TTC27: variants seen among roughly 807,000 people sequenced by gnomAD.
The protein encoded by TTC27 is tetratricopeptide repeat domain 27, also known as tetratricopeptide repeat protein 27.
A neutral mutation model predicts 115.9 loss-of-function variants in TTC27; 79 were observed. The ratio of observed to expected loss-of-function variants is 0.68; its 90% CI spans 0.57 to 0.82. The LOEUF (loss-of-function observed/expected upper bound fraction) is 0.82, where lower values mean the gene tolerates loss of function less well. Ranked by LOEUF, TTC27 falls within the 40% of genes least tolerant of loss-of-function variation. The pLI, the probability that TTC27 is intolerant of heterozygous loss-of-function variation, is 0.00. For synonymous variants in TTC27, 401 were observed against 356.0 expected, an observed-to-expected ratio of 1.13 and a Z score of -1.42; for missense variants, 1,054 against 993.1, an observed-to-expected ratio of 1.06 and a Z score of -0.82.
At chr2:32,700,597 G>A (rs947837000) in intron 9 of TTC27, among the ~76,000 whole-genome samples, 1 of 152,122 alleles carries the variant, frequency 6.6e-6, no homozygotes, top group African/African-American at 2.4e-5. Context: ...AAGTGCAGTG[G>A]TGCAATCTCG....
At chr2:32,629,422 G>A (rs1007137849) in intron 1 of TTC27, among the ~76,000 whole-genome samples, 1 of 151,698 alleles carries the variant, frequency 6.6e-6, no homozygotes, top group South Asian at 2.1e-4. Context: ...GCACGGCCTA[G>A]GCGGCAATGA....
intron 14 of TTC27, among the ~76,000 whole-genome samples, chr2:32,778,693 A>G (rs1477078300): frequency 6.6e-6 from 1 of 152,214 alleles, no homozygotes; most frequent in Admixed American, 6.5e-5. Flanking sequence ...TTATGACCAA[A>G]TAATATTCCA....
chr2:32,654,201 C>G (rs371837140), intron 5 of TTC27, among the ~76,000 whole-genome samples: 4 of 152,240 alleles, frequency 2.6e-5, no homozygotes, highest in African/African-American at 9.6e-5. Flanking sequence ...CCTGCTGACA[C>G]TTTCCCTTGC....
chr2:32,784,522 G>T (rs1419205208), intron 15 of TTC27, among the ~76,000 whole-genome samples: 1 of 152,114 alleles, frequency 6.6e-6, no homozygotes, highest in African/African-American at 2.4e-5. Context: ...TCTCTTTGCT[G>T]TTTCAACTGA....
intron 13 of TTC27, among the ~76,000 whole-genome samples, chr2:32,770,432 G>A (rs190970188): frequency 6.6e-5 from 10 of 152,312 alleles, no homozygotes; most frequent in African/African-American, 1.9e-4. Context: ...TTTTGCCCTC[G>A]AGGATATCAT....
intron 12 of TTC27, among the ~76,000 whole-genome samples, chr2:32,741,437 A>C (rs1451109505): frequency 6.6e-6 from 1 of 151,636 alleles, no homozygotes; most frequent in Non-Finnish European, 1.5e-5. Context: ...AGGTCAAGAG[A>C]TGGAGGCCAT....
intron 14 of TTC27, among the ~76,000 whole-genome samples, chr2:32,779,280 A>T (rs1670097373): frequency 6.6e-6 from 1 of 151,862 alleles, no homozygotes; most frequent in Non-Finnish European, 1.5e-5. Context: ...GCAATGTATG[A>T]GGGTTCCAGT....
At chr2:32,667,671 C>T (rs1197596306) in intron 7 of TTC27, among the ~76,000 whole-genome samples, 1 of 151,130 alleles carries the variant, frequency 6.6e-6, no homozygotes, top group Non-Finnish European at 1.5e-5. Flanking sequence ...CCGTCTCGGC[C>T]TCCCAAAGTG....
At chr2:32,688,495 A>T (rs1366041256) in intron 9 of TTC27, among the ~76,000 whole-genome samples, 1 of 152,132 alleles carries the variant, frequency 6.6e-6, no homozygotes, top group Non-Finnish European at 1.5e-5. Context: ...CCAGCCATAG[A>T]CTAGGAGAAA....
chr2:32,679,533 G>C (rs1394187813), intron 9 of TTC27, among the ~76,000 whole-genome samples: 2 of 152,182 alleles, frequency 1.3e-5, no homozygotes, highest in East Asian at 3.9e-4. Context: ...TATGGAGAAA[G>C]GAAGATACAT....
intron 6 of TTC27, among the ~76,000 whole-genome samples, chr2:32,665,501 T>G (rs1362613449): frequency 6.6e-6 from 1 of 152,242 alleles, no homozygotes; most frequent in African/African-American, 2.4e-5. Context: ...ATATTTTGTT[T>G]TCTAAGTTAG....
Position 32,630,558 on chromosome 2 carries a change from A to C in TTC27, c.124A>C (p.Asn42His). Reference sequence around the variant, plus strand: ...TTTCCTACAATTGCTACTGGAAGGGAACTATGAAGCCATATTCTTAAATTC... The same window carrying C: ...TTTCCTACAATTGCTACTGGAAGGGCACTATGAAGCCATATTCTTAAATTC... ...GSFLQLLLEG[N>H]YEAIFLNSMT... Residue 42 changes from asparagine (N) to histidine (H), a missense_variant, in exon 2 of 20, where the codon AAC becomes CAC. Coordinates refer to ENST00000317907, the MANE Select transcript of TTC27 (RefSeq NM_017735.5). 1.2e-6 allele frequency: 2 copies of C among 1,611,752 alleles called. No homozygotes were observed. The highest frequency in any genetic ancestry group is 1.7e-6 in the Non-Finnish European group (2 of 1,179,098).
intron 5 of TTC27, among the ~76,000 whole-genome samples, chr2:32,652,759 A>G (rs1553544770): frequency 6.6e-6 from 1 of 152,218 alleles, no homozygotes; most frequent in Non-Finnish European, 1.5e-5. Context: ...TTTGATCCAA[A>G]TGTAATAACT....
intron 15 of TTC27, 28 bp downstream of exon 15, chr2:32,782,706 A>G: frequency 3.8e-6 from 6 of 1,561,388 alleles, no homozygotes; most frequent in Non-Finnish European, 5.3e-6. Flanking sequence ...ATATGAAGAA[A>G]TTTGCTTCCC....
At position 32,706,371 on chromosome 2, in the gene TTC27, C is replaced by T. The variant is rs189294420; in HGVS notation, c.1233+3451C>T. On this transcript the variant is annotated intron_variant, in intron 10 of 19. Coordinates refer to ENST00000317907, the MANE Select transcript of TTC27 (RefSeq NM_017735.5). ...ATGTTGAGATTACAGGCATGAGTCA[C>T]TGCGCCTGGCCTATCTTATTCTTAA... 4.4e-3 allele frequency among the ~76,000 whole-genome samples: 673 copies of T among 152,188 alleles called. 3 individuals are homozygous for T. The highest frequency in any genetic ancestry group is 0.016 in the African/African-American group (647 of 41,518).
chr2:32,743,614 T>C (rs1355730056), intron 12 of TTC27, among the ~76,000 whole-genome samples: 2 of 152,216 alleles, frequency 1.3e-5, no homozygotes, highest in African/African-American at 4.8e-5. Context: ...GACTGTTCTA[T>C]CGCAAAATAC....
At chr2:32,661,705 A>T (rs1299503600) in intron 5 of TTC27, among the ~76,000 whole-genome samples, 1 of 152,218 alleles carries the variant, frequency 6.6e-6, no homozygotes, top group Non-Finnish European at 1.5e-5. Flanking sequence ...CGATAATGTC[A>T]TGTGCAAACA....
At chr2:32,757,652 A>G (rs970595903) in intron 12 of TTC27, among the ~76,000 whole-genome samples, 1 of 152,122 alleles carries the variant, frequency 6.6e-6, no homozygotes, top group Non-Finnish European at 1.5e-5. Flanking sequence ...ACAAAATGCT[A>G]TTGCATACTT....
At chr2:32,814,941 T>G (rs966668873) in intron 18 of TTC27, among the ~76,000 whole-genome samples, 1 of 152,174 alleles carries the variant, frequency 6.6e-6, no homozygotes, top group African/African-American at 2.4e-5. Flanking sequence ...AATCTCCACA[T>G]GGTTTACTCC....
Sources: allele counts gnomAD v4.1 joint callset (sites outside exome capture counted in the v4.1 genomes callset), GRCh38; gene constraint gnomAD v4.1.1; transcripts MANE v1.5; gene names NCBI Gene and HGNC (gene_info 2026-07-23, HGNC 2026-07-21).